The following BTG4 variants were observed in gnomAD, a reference collection of about 807,000 sequenced individuals.
The protein encoded by BTG4 is protein BTG4.
A neutral mutation model predicts 19.3 loss-of-function variants in BTG4; 10 were observed. The ratio of observed to expected loss-of-function variants is 0.52; its 90% CI spans 0.32 to 0.88. BTG4 has a LOEUF of 0.88. BTG4 is among the 40% of genes least tolerant of loss of function. BTG4 has a pLI of 0.04. For synonymous variants in BTG4, 91 were observed against 95.7 expected, an observed-to-expected ratio of 0.95 and a Z score of 0.29; for missense variants, 238 against 281.9, an observed-to-expected ratio of 0.84 and a Z score of 1.11.
intron 5 of BTG4, among the ~76,000 whole-genome samples, chr11:111,470,331 G>T (rs1387623941): frequency 3.3e-5 from 5 of 152,090 alleles, no homozygotes; most frequent in Non-Finnish European, 7.4e-5. Flanking sequence ...CATTCCACCT[G>T]CCTCAGTGTT....
the BTG4 span, among the ~76,000 whole-genome samples, chr11:111,447,844 C>G: frequency 6.6e-6 from 1 of 152,190 alleles, no homozygotes; most frequent in South Asian, 2.1e-4. Flanking sequence ...CCTTCCTGGG[C>G]ATTTCTCTCT....
chr11:111,495,653 A>G (rs1865679225), intron 4 of BTG4, among the ~76,000 whole-genome samples: 1 of 152,204 alleles, frequency 6.6e-6, no homozygotes, highest in South Asian at 2.1e-4. Context: ...ACAGCCTAGA[A>G]ATCTTCATTT....
At chr11:111,506,063 T>A (rs1380708585) in intron 1 of BTG4, among the ~76,000 whole-genome samples, 1 of 152,134 alleles carries the variant, frequency 6.6e-6, no homozygotes, top group African/African-American at 2.4e-5. Flanking sequence ...GAAAACGGTA[T>A]AGCGATATCT....
the BTG4 span, among the ~76,000 whole-genome samples, chr11:111,434,700 T>A: frequency 6.6e-6 from 1 of 150,428 alleles, no homozygotes; most frequent in South Asian, 2.1e-4. Context: ...GTATAATAAT[T>A]GTTTAAAAAA....
rs1865635620 is a variant in BTG4 at position 111,495,069 on chromosome 11, T to C, written c.*66A>G. 2.1e-6 allele frequency: 3 copies of C among 1,419,952 alleles called. No individual in the cohort carries two copies. The highest frequency in any genetic ancestry group is 2.8e-6 in the Non-Finnish European group (3 of 1,088,384). The allele number at this position is 1,419,952 out of a possible 1,614,324, so 88.0% of individuals were successfully genotyped here. A position where few individuals can be genotyped will look rare whatever the true frequency, so the allele number is the denominator to read the frequency against. On this transcript the variant is annotated 3_prime_UTR_variant, in exon 5 of 5. Transcript: ENST00000692032. ...CATGGGCCTCTCAACCTTAAATTCA[T>C]TTTTATTTTAGAGAGAATAAAGGCA...
chr11:111,481,310 G>T lies in BTG4; in HGVS notation c.663-13629C>A, dbSNP rs578187997. Among the ~76,000 whole-genome samples the T allele has an allele frequency of 4.6e-5, 7 of 151,824 alleles. No homozygotes were observed. In the East Asian group the frequency reaches 5.8e-4, roughly 13 times the overall value. Reference sequence around the variant, plus strand: ...TTATAATTTTTTGATTTCCAAGGAAGAAGTCTCCAGGCCCAGATAGCTTCA... The same window carrying T: ...TTATAATTTTTTGATTTCCAAGGAATAAGTCTCCAGGCCCAGATAGCTTCA... On this transcript the variant is annotated intron_variant, in intron 5 of 5. Coordinates refer to the BTG4 transcript ENST00000356018.
At chr11:111,509,224 G>T (rs1866676586) in intron 1 of BTG4, among the ~76,000 whole-genome samples, 1 of 152,116 alleles carries the variant, frequency 6.6e-6, no homozygotes, top group African/African-American at 2.4e-5. Flanking sequence ...CCCATAAATA[G>T]ATTCAATTAT....
At chr11:111,436,575 C>T in the BTG4 span, among the ~76,000 whole-genome samples, 3 of 149,284 alleles carry the variant, frequency 2.0e-5, no homozygotes, top group Admixed American at 1.3e-4. Context: ...GGCAGTGAGC[C>T]GAGATCTCAC....
chr11:111,413,615 T>C, the BTG4 span, among the ~76,000 whole-genome samples: 1 of 152,240 alleles, frequency 6.6e-6, no homozygotes, highest in Non-Finnish European at 1.5e-5. Context: ...CCCAAACCAA[T>C]TACCTTCCAT....
At chr11:111,392,549 C>A in the BTG4 span, among the ~76,000 whole-genome samples, 1 of 152,180 alleles carries the variant, frequency 6.6e-6, no homozygotes, top group Non-Finnish European at 1.5e-5. Flanking sequence ...AGGTCCAGGA[C>A]AGGGCCAGAG....
At chr11:111,454,389 C>T in the BTG4 span, 1 of 443,304 alleles carries the variant, frequency 2.3e-6, no homozygotes, top group Non-Finnish European at 4.5e-6. Flanking sequence ...CACTTCTACC[C>T]AAGACTGGAG....
the BTG4 span, chr11:111,399,038 C>G: frequency 1.3e-5 from 2 of 152,164 alleles, no homozygotes; most frequent in Non-Finnish European, 2.9e-5. Flanking sequence ...GATCCTAGAC[C>G]AAGAGGGATA....
intron 2 of BTG4, 95 bp from the exon 3 acceptor site, chr11:111,498,230 C>A: frequency 1.5e-6 from 2 of 1,374,242 alleles, no homozygotes; most frequent in Non-Finnish European, 1.0e-6. Context: ...ACATAGCTCC[C>A]ACCTCATCCC....
At chr11:111,388,925 A>T in the BTG4 span, among the ~76,000 whole-genome samples, 1 of 152,036 alleles carries the variant, frequency 6.6e-6, no homozygotes, top group African/African-American at 2.4e-5. Context: ...CCACACAGGA[A>T]CCTCCTCCTC....
the BTG4 span, among the ~76,000 whole-genome samples, chr11:111,444,566 A>C: frequency 6.6e-6 from 1 of 152,194 alleles, no homozygotes; most frequent in South Asian, 2.1e-4. Context: ...ATAGTCGATA[A>C]TAACTTCATT....
the BTG4 span, among the ~76,000 whole-genome samples, chr11:111,445,469 G>A: frequency 2.6e-5 from 4 of 152,030 alleles, no homozygotes; most frequent in African/African-American, 7.3e-5. Context: ...ATCTTTCATC[G>A]TGCCCTCCTT....
chr11:111,444,363 C>A, the BTG4 span, among the ~76,000 whole-genome samples: 1 of 151,644 alleles, frequency 6.6e-6, no homozygotes, highest in Non-Finnish European at 1.5e-5. Flanking sequence ...TCCTAAGAGG[C>A]AATGTCTCAC....
chr11:111,498,585 C>T lies in BTG4; in HGVS notation c.173+19G>A. ...CTTGGTGATTGCTTCCCTTTGCCAT[C>T]CCACATACTAGCTCTCACCTGAAGG... is the stretch of plus-strand genomic sequence containing the variant. On this transcript the variant is annotated intron_variant, in intron 2 of 4. Transcript: ENST00000692032. 1 of 1,595,184 alleles carries T rather than the reference C, an allele frequency of 6.3e-7. No individual in the cohort carries two copies. Among genetic ancestry groups the T allele is most frequent in the East Asian group, 2.2e-5 (1 of 44,704 alleles).
rs1004238019 is a variant in BTG4 at position 111,495,033 on chromosome 11, A to AT, written c.*101dup. The AT allele has an allele frequency of 5.4e-5, 74 of 1,366,450 alleles. No individual in the cohort carries two copies. The African/African-American group carries it at 1.0e-3, about 19-fold the overall frequency. The allele number at this position is 1,366,450 out of a possible 1,614,324, so 84.6% of individuals were successfully genotyped here. On this transcript the variant is annotated 3_prime_UTR_variant, in exon 5 of 5. Coordinates refer to ENST00000692032, the MANE Select transcript of BTG4 (RefSeq NM_001367975.1). ...GTGTACCCTAGTCCCTAATATGGTCATTTTTTGTTTCATGGGCCTCTCAAC... is the reference window on the plus strand; with the variant it reads ...GTGTACCCTAGTCCCTAATATGGTCATTTTTTTGTTTCATGGGCCTCTCAAC...
Sources: gnomAD v4.1 joint callset for allele counts (sites outside exome capture counted in the v4.1 genomes callset) on GRCh38, gnomAD v4.1.1 for gene constraint, MANE v1.5 for transcripts, NCBI Gene and HGNC (gene_info 2026-07-23, HGNC 2026-07-21) for gene names.